ARHGEF40: variants seen among roughly 807,000 people sequenced by gnomAD.
ARHGEF40 encodes Rho guanine nucleotide exchange factor 40, also known as Rho guanine nucleotide exchange factor (GEF) 40.
In ARHGEF40, 98 loss-of-function variants were observed where a neutral mutation model predicts 165.9. The observed-to-expected ratio is 0.59, with a 90% confidence interval of 0.50 to 0.70. The LOEUF (loss-of-function observed/expected upper bound fraction) is 0.70. Ranked by LOEUF, ARHGEF40 falls within the 30% of genes least tolerant of loss-of-function variation. ARHGEF40 has a pLI of 0.00. For synonymous variants in ARHGEF40, 792 were observed against 814.3 expected, an observed-to-expected ratio of 0.97 and a Z score of 0.47; for missense variants, 1,815 against 1,968.0, an observed-to-expected ratio of 0.92 and a Z score of 1.47.
rs775279863 is a variant in ARHGEF40 at position 21,081,588 on chromosome 14, C to T, written c.2720C>T (p.Ala907Val). 1.2e-6 allele frequency: 2 copies of T among 1,611,748 alleles called. No individual in the cohort carries two copies. The highest frequency in any genetic ancestry group is 1.7e-6 in the Non-Finnish European group (2 of 1,179,518). ...CGGGAGGCTGTGCTGGCTGCACTGG[C>T]CCTGCGGCGGGCCCCAGAGCCCAGT... ...PGREAVLAAL[A>V]LRRAPEPSAG... is the part of the protein sequence containing the mutation. The change falls in exon 14 of 24, where the codon GCC becomes GTC. Residue 907 changes from alanine to valine, a missense_variant. Coordinates refer to ENST00000298694, the MANE Select transcript of ARHGEF40 (RefSeq NM_018071.5).
intron 11 of ARHGEF40, 63 bp downstream of exon 11, chr14:21,079,073 C>T (rs1887665762): frequency 7.7e-6 from 12 of 1,556,906 alleles, no homozygotes; most frequent in Middle Eastern, 2.0e-4. Flanking sequence ...GCACCTTTCC[C>T]GTTGGTACTT....
Position 21,083,907 on chromosome 14 carries a change from C to T in ARHGEF40, c.3646C>T (p.Arg1216Trp), listed in dbSNP as rs199612021. Residue 1216 changes from arginine to tryptophan, a missense_variant, in exon 17 of 24, where the codon CGG (arginine) becomes TGG (tryptophan). Coordinates refer to ENST00000298694, the MANE Select transcript of ARHGEF40 (RefSeq NM_018071.5). ...QPLEQLTRYG[R>W]LLEELLREAG... ...TCTGGAACAGCTGACTCGGTATGGG[C>T]GGCTCCTGGAGGAGCTCCTGAGGGA... The T allele has an allele frequency of 2.2e-5, 36 of 1,614,134 alleles. No individual in the cohort carries two copies. The African/African-American group carries it at 3.3e-4, about 15-fold the overall frequency.
At position 21,088,082 on chromosome 14, in the gene ARHGEF40, T is replaced by C. The variant is rs774909447; in HGVS notation, c.4502T>C (p.Leu1501Ser). Residue 1501 changes from leucine (L) to serine (S), a missense_variant, in exon 22 of 24, where the codon TTA becomes TCA. By Grantham distance (145) the Leu-to-Ser change is moderately radical. Transcript: ENST00000298694. ...STPTLASRGI[L>S]GLSRQSHARA... ...CCCACCCTGGCCAGTCGAGGGATCT[T>C]AGGGCTATCCCGACAGGTAAGTTCC... 3.1e-6 allele frequency: 5 copies of C among 1,612,672 alleles called. No homozygotes were observed. Among genetic ancestry groups the C allele is most frequent in the Non-Finnish European group, 4.2e-6 (5 of 1,179,348 alleles).
chr14:21,061,953 A>T, the ARHGEF40 span, among the ~76,000 whole-genome samples: 13 of 152,348 alleles, frequency 8.5e-5, no homozygotes, highest in Middle Eastern at 3.4e-3. Flanking sequence ...CTTTATAAGG[A>T]CATGGAATAT....
Position 21,073,017 on chromosome 14 carries a change from G to A in ARHGEF40, c.4-28G>A. ...GAGCCATGATTGGGTGATCTCTAGG[G>A]ATCTGTAGCCTGGTCCTATCTCTAC... On this transcript the variant is annotated intron_variant, in intron 1 of 23. Coordinates refer to ENST00000298694, the MANE Select transcript of ARHGEF40 (RefSeq NM_018071.5). The surrounding 1 kb of genome is among the most constrained non-coding windows in gnomAD (Gnocchi z 4.6). 1 of 1,605,106 alleles carries A rather than the reference G, an allele frequency of 6.2e-7. No individual in the cohort carries two copies. Among genetic ancestry groups the A allele is most frequent in the Admixed American group, 1.7e-5 (1 of 59,804 alleles).
At chr14:21,079,268 C>T (rs1887684324) in intron 11 of ARHGEF40, among the ~76,000 whole-genome samples, 2 of 152,204 alleles carry the variant, frequency 1.3e-5, no homozygotes, top group Admixed American at 1.3e-4. Flanking sequence ...GAGAGATGCT[C>T]AGCTGCCCTA....
intron 11 of ARHGEF40, among the ~76,000 whole-genome samples, chr14:21,080,196 CCGGACACACA>C (rs1887764138): frequency 1.7e-5 from 2 of 116,082 alleles, no homozygotes; most frequent in Non-Finnish European, 3.4e-5. Context: ...GAAATTAAAG[CCGGACACACA>C]CACACACACA....
upstream of ARHGEF40, among the ~76,000 whole-genome samples, chr14:21,068,855 C>T (rs2139179559): frequency 6.6e-6 from 1 of 152,346 alleles, no homozygotes; most frequent in South Asian, 2.1e-4. Context: ...CTTTTCCAGG[C>T]TCAGCGGAGC....
upstream of ARHGEF40, among the ~76,000 whole-genome samples, chr14:21,066,316 GTTTTTTTTGTTTT>G (rs1886260800): frequency 7.0e-6 from 1 of 141,922 alleles, no homozygotes; most frequent in East Asian, 2.1e-4. Flanking sequence ...TTTTGGTTGT[GTTTTTTTTGTTTT>G]TTTTTTTTGG....
chr14:21,063,831 G>C, the ARHGEF40 span, among the ~76,000 whole-genome samples: 1 of 152,146 alleles, frequency 6.6e-6, no homozygotes, highest in African/African-American at 2.4e-5. Context: ...TTCTTTAAAA[G>C]CTCTCTCATT....
At chr14:21,068,201 G>A (rs1196318092), upstream of ARHGEF40, among the ~76,000 whole-genome samples, 1 of 17,514 alleles carries the variant, frequency 5.7e-5, no homozygotes. Context: ...GGGTTTCACC[G>A]TGTTAGCCAG....
chr14:21,080,901 TG>T lies in ARHGEF40; in HGVS notation c.2527del (p.Ala843LeufsTer106), dbSNP rs776586860. The stretch of plus-strand genomic sequence containing the variant: ...CGCCTGGCCCAGGCACGGGAGGCCC[TG>T]GCTCTGGAGGAGAATGCCACCTCCC... ...QERLAQAREA[L>X]ALEENATSQK... On this transcript the variant is annotated frameshift_variant, in exon 13 of 24. Transcript: ENST00000298694. LOFTEE classifies it high-confidence loss of function. 1 of 1,614,162 alleles carries T rather than the reference TG, an allele frequency of 6.2e-7. No individual in the cohort carries two copies. The highest frequency in any genetic ancestry group is 1.7e-5 in the Admixed American group (1 of 60,020).
upstream of ARHGEF40, among the ~76,000 whole-genome samples, chr14:21,069,894 G>C (rs1286103696): frequency 1.1e-4 from 17 of 152,216 alleles, no homozygotes; most frequent in Non-Finnish European, 2.5e-4. Flanking sequence ...GAAGACCCCA[G>C]TTCTGGGAAG....
At chr14:21,083,613 A>G (rs545859294) in intron 16 of ARHGEF40, among the ~76,000 whole-genome samples, 1 of 152,176 alleles carries the variant, frequency 6.6e-6, no homozygotes, top group Non-Finnish European at 1.5e-5. Context: ...TACTATTTTG[A>G]TTCTTCTTCC....
rs1888051061 is a variant in ARHGEF40, at chr14:21,083,036, A to G, written c.3573+119A>G. 3.6e-6 allele frequency: 3 copies of G among 841,386 alleles called. No individual in the cohort carries two copies. The East Asian group carries it at 7.9e-5, about 22-fold the overall frequency. 52.1% of individuals were successfully genotyped at this position (841,386 alleles called of 1,614,324 possible). On this transcript the variant is annotated intron_variant, in intron 16 of 23. Coordinates refer to ENST00000298694, the MANE Select transcript of ARHGEF40 (RefSeq NM_018071.5). ...TGCCCAGGAACATCACCTACCAATC[A>G]TCTCCTAGAATTGCCGAGGGTGGGA...
In ARHGEF40 at chr14:21,087,317, C is replaced by T. The variant is rs1336258286; in HGVS notation, c.4244-3C>T. 7 of 1,605,070 alleles carry T rather than the reference C, an allele frequency of 4.4e-6. No homozygotes were observed. The Admixed American group carries it at 1.2e-4, about 27-fold the overall frequency. On this transcript the variant is annotated splice_region_variant and splice_polypyrimidine_tract_variant and intron_variant, in intron 20 of 23. Transcript: ENST00000298694. The stretch of plus-strand genomic sequence containing the variant: ...CCCACCCCCCACTCCCCACTCTCTG[C>T]AGCCGCCCGCACCCGGGCCTCCGTG...
rs758499936 is a variant in ARHGEF40, at chr14:21,085,766, A to C, written c.4038A>C (p.Ala1346=). ...AGTTGTGGTTTCGGCGGCGGCGTGC[A>C]CGAGAGGCATACACTCTGCAGGCAA... ...CFELWFRRRR[A]REAYTLQATS... Residue 1346 remains alanine (A), a synonymous_variant, in exon 19 of 24, where the codon GCA becomes GCC. Coordinates refer to ENST00000298694, the MANE Select transcript of ARHGEF40 (RefSeq NM_018071.5). The C allele has an allele frequency of 1.2e-6, 2 of 1,614,052 alleles. No individual in the cohort carries two copies.
chr14:21,066,855 C>G (rs190150474), upstream of ARHGEF40, among the ~76,000 whole-genome samples: 117 of 152,306 alleles, frequency 7.7e-4, 1 homozygote, highest in Middle Eastern at 3.4e-3. Flanking sequence ...AAAAATTAAA[C>G]CATAAATAGA....
In ARHGEF40 at chr14:21,070,832, A is replaced by C; in HGVS notation, c.3+433A>C. The C allele has an allele frequency of 6.5e-7, 1 of 1,535,584 alleles. No individual in the cohort carries two copies. Among genetic ancestry groups the C allele is most frequent in the Non-Finnish European group, 8.7e-7 (1 of 1,146,870 alleles). ...CCTCGGGTCATGAGAACTGACCTGC[A>C]TGGAACCACCATTTTCCATCCCTGT... On this transcript the variant is annotated intron_variant, in intron 1 of 23. Transcript: ENST00000298694. The surrounding 1 kb of genome is among the most constrained non-coding windows in gnomAD (Gnocchi z 4.7).
Sources: allele counts gnomAD v4.1 joint callset (sites outside exome capture counted in the v4.1 genomes callset), GRCh38; gene constraint gnomAD v4.1.1; non-coding constraint Gnocchi (gnomAD v3.1); transcripts MANE v1.5; gene names NCBI Gene and HGNC (gene_info 2026-07-23, HGNC 2026-07-21).